TATDN3: variants seen among roughly 807,000 people sequenced by gnomAD.
TATDN3 encodes the protein TatD DNase domain containing 3, also known as deoxyribonuclease TATDN3.
A neutral mutation model predicts 40.1 loss-of-function variants in TATDN3; 29 were observed. The ratio of observed to expected loss-of-function variants is 0.72; its 90% CI spans 0.54 to 0.99. TATDN3 has a LOEUF of 0.99. TATDN3 is among the 50% of genes least tolerant of loss of function. The pLI is 0.00. For missense variants in TATDN3, 309 were observed against 321.9 expected (o/e 0.96, Z 0.31); for synonymous variants, 105 against 117.0 (o/e 0.90, Z 0.66).
At chr1:212,812,676 T>G (rs2102486125) in intron 9 of TATDN3, among the ~76,000 whole-genome samples, 1 of 152,290 alleles carries the variant, frequency 6.6e-6, no homozygotes, top group East Asian at 1.9e-4. Flanking sequence ...CTTTTTCATT[T>G]ATAAAATATG....
rs760727906 is a variant in TATDN3, at chr1:212,807,862, T to C, written c.600+14T>C. ...AGAAGTGGACAGGTAAATTTTTTCATTGAAACTCATCTAATACTTATGAAA... is the reference window on the plus strand; with the variant it reads ...AGAAGTGGACAGGTAAATTTTTTCACTGAAACTCATCTAATACTTATGAAA... On this transcript the variant is annotated intron_variant, in intron 8 of 9. Coordinates refer to ENST00000366974, the MANE Select transcript of TATDN3 (RefSeq NM_001042552.3). 23 of 1,515,210 alleles carry C rather than the reference T, an allele frequency of 1.5e-5. No individual in the cohort carries two copies. The highest frequency in any genetic ancestry group is 1.8e-5 in the Non-Finnish European group (20 of 1,097,924). 93.9% of individuals were successfully genotyped at this position (1,515,210 alleles called of 1,614,324 possible). A position where few individuals can be genotyped will look rare whatever the true frequency, so the allele number is the denominator to read the frequency against.
intron 2 of TATDN3, among the ~76,000 whole-genome samples, chr1:212,795,528 C>T (rs1661697777): frequency 6.6e-6 from 1 of 152,130 alleles, no homozygotes; most frequent in Non-Finnish European, 1.5e-5. Flanking sequence ...ACCTCGACCT[C>T]CCAAAGTGCT....
chr1:212,792,632 C>CAAAAAAAAAAAAAA (rs752952752), intron 1 of TATDN3, among the ~76,000 whole-genome samples: 964 of 74,834 alleles, frequency 0.013, 12 homozygotes, highest in Non-Finnish European at 0.016. Flanking sequence ...GACCCTGTCT[C>CAAAAAAAAAAAAAA]AAAAAAAAAA....
intron 5 of TATDN3, among the ~76,000 whole-genome samples, chr1:212,803,276 A>G (rs144972947): frequency 2.5e-3 from 373 of 151,196 alleles, no homozygotes; most frequent in Non-Finnish European, 4.2e-3. Flanking sequence ...TCTGCCTCCC[A>G]GGTTCAAGTG....
rs71495077 is a variant in TATDN3, at chr1:212,806,747, CATATATATATATATATATAT to C, written c.488-971_488-952del. ...TTTATTCTCTCTCTCTCTCTCTCTC[CATATATATATATATATATAT>C]ATATATATATATATATACACACACA... On this transcript the variant is annotated intron_variant, in intron 7 of 9. Transcript: ENST00000366974. Among the ~76,000 whole-genome samples, 13 of 43,988 alleles carry C rather than the reference CATATATATATATATATATAT, an allele frequency of 3.0e-4. 2 individuals carry two copies. Among genetic ancestry groups the C allele is most frequent in the Non-Finnish European group, 4.8e-4 (11 of 22,770 alleles). The allele number at this position is 43,988 out of a possible 152,430, so 28.9% of individuals were successfully genotyped here. A position where few individuals can be genotyped will look rare whatever the true frequency, so the allele number is the denominator to read the frequency against.
chr1:212,797,017 T>A (rs1036209483), intron 3 of TATDN3, 95 bp from the exon 4 acceptor site: 4 of 938,752 alleles, frequency 4.3e-6, no homozygotes, highest in Non-Finnish European at 6.8e-6. Flanking sequence ...ATTACAGACA[T>A]AAGCCACCAT....
intron 2 of TATDN3, among the ~76,000 whole-genome samples, chr1:212,795,619 C>T (rs1214264190): frequency 6.6e-6 from 1 of 152,050 alleles, no homozygotes; most frequent in African/African-American, 2.4e-5. Context: ...GACTATATTG[C>T]CCAGGCTGGT....
intron 7 of TATDN3, among the ~76,000 whole-genome samples, chr1:212,806,773 TATATATATATAC>T (rs1372931749): frequency 6.0e-5 from 7 of 117,294 alleles, no homozygotes; most frequent in Admixed American, 1.1e-4. Flanking sequence ...TATATATATA[TATATATATATAC>T]ACACACACAC....
intron 7 of TATDN3, among the ~76,000 whole-genome samples, chr1:212,806,930 ATATTTATTTATTT>A (rs1217630410): frequency 7.2e-6 from 1 of 138,606 alleles, no homozygotes; most frequent in South Asian, 2.3e-4. Context: ...ACATATATAT[ATATTTATTTATTT>A]TATTTATTTA....
At chr1:212,806,807 C>CATATATAT (rs1662534926) in intron 7 of TATDN3, among the ~76,000 whole-genome samples, 1 of 80,800 alleles carries the variant, frequency 1.2e-5, no homozygotes, top group South Asian at 4.4e-4. Flanking sequence ...CACATATATA[C>CATATATAT]ACATATATAC....
At position 212,815,128 on chromosome 1, in the gene TATDN3, C is replaced by G; in HGVS notation, c.797C>G (p.Pro266Arg). ...ACACAGAATGCATTAAAACTGTTTC[C>G]TAAGCTCCGACACTTGCTCCAGAAA... ...VTTQNALKLF[P>R]KLRHLLQK is the part of the protein sequence containing the mutation. Residue 266 changes from proline to arginine, a missense_variant, in exon 10 of 10, where the codon CCT becomes CGT. Physicochemically the swap from Pro to Arg is moderately radical, Grantham distance 103. Transcript: ENST00000366974. 4 of 1,613,116 alleles carry G rather than the reference C, an allele frequency of 2.5e-6. No homozygotes were observed. The highest frequency in any genetic ancestry group is 3.4e-6 in the Non-Finnish European group (4 of 1,179,768).
chr1:212,798,552 A>G (rs1661964901), intron 4 of TATDN3, among the ~76,000 whole-genome samples: 1 of 151,518 alleles, frequency 6.6e-6, no homozygotes. Context: ...AAAAAAAAAA[A>G]AAAAAAGAAA....
chr1:212,806,783 T>TATATATACACACAC (rs796710955), intron 7 of TATDN3, among the ~76,000 whole-genome samples: 1 of 79,522 alleles, frequency 1.3e-5, no homozygotes, highest in African/African-American at 4.8e-5. Flanking sequence ...TATATATATA[T>TATATATACACACAC]ACACACACAC....
rs1445130788 is a variant in TATDN3, at chr1:212,807,754, T to G, written c.506T>G (p.Leu169Arg). The G allele has an allele frequency of 1.2e-6, 2 of 1,613,292 alleles. No homozygotes were observed. Among genetic ancestry groups the G allele is most frequent in the Admixed American group, 3.3e-5 (2 of 59,766 alleles). Residue 169 changes from leucine to arginine, a missense_variant, in exon 8 of 10, where the codon CTG becomes CGG. Coordinates refer to ENST00000366974, the MANE Select transcript of TATDN3 (RefSeq NM_001042552.3). ...TTGAAAGGTGCTGAGAAGGTACTGC[T>G]GCATGCATTTGATGGTCGGCCATCT... is the stretch of plus-strand genomic sequence containing the variant. ...LQEQGAEKVL[L>R]HAFDGRPSVA... is the part of the protein sequence containing the mutation.
chr1:212,812,378 AG>A, intron 9 of TATDN3, 50 bp downstream of exon 9: 1 of 1,023,374 alleles, frequency 9.8e-7, no homozygotes, highest in East Asian at 2.6e-5. Context: ...CTTTCATTTG[AG>A]TTCTTTTCAA....
rs1344995667 is a variant in TATDN3, at chr1:212,791,963, C to T, written c.42C>T (p.His14=). 5.6e-6 allele frequency: 9 copies of T among 1,613,962 alleles called. No individual in the cohort carries two copies. Among genetic ancestry groups the T allele is most frequent in the East Asian group, 2.2e-5 (1 of 44,872 alleles). Residue 14 remains histidine (H), a synonymous_variant, in exon 1 of 10, where the codon CAC becomes CAT. Coordinates refer to ENST00000366974, the MANE Select transcript of TATDN3 (RefSeq NM_001042552.3). The stretch of plus-strand genomic sequence containing the variant: ...TAGGCTTGGTGGACTGTCACTGCCA[C>T]CTCTCCGCCCCGGACTTTGACCGCG... ...AGVGLVDCHC[H]LSAPDFDRDL...
intron 1 of TATDN3, 133 bp from the exon 2 acceptor site, chr1:212,794,962 T>C: frequency 2.8e-6 from 2 of 707,588 alleles, no homozygotes; most frequent in South Asian, 1.6e-5. Flanking sequence ...CAGTGTAGGC[T>C]CTTTGTTTTC....
chr1:212,808,626 T>C (rs1421116648), intron 8 of TATDN3, among the ~76,000 whole-genome samples: 1 of 152,020 alleles, frequency 6.6e-6, no homozygotes, highest in Non-Finnish European at 1.5e-5. Context: ...AAAAGACAAA[T>C]AACCTGATTA....
intron 9 of TATDN3, 97 bp from the exon 10 acceptor site, chr1:212,814,916 G>T: frequency 7.3e-7 from 1 of 1,378,488 alleles, no homozygotes; most frequent in South Asian, 1.5e-5. Flanking sequence ...GAGCCCATCA[G>T]TTGTTTTTAC....
Sources: allele counts gnomAD v4.1 joint callset (sites outside exome capture counted in the v4.1 genomes callset), GRCh38; gene constraint gnomAD v4.1.1; transcripts MANE v1.5; gene names NCBI Gene and HGNC (gene_info 2026-07-23, HGNC 2026-07-21).